Variants in ZNF687 observed in about 807,000 individuals in gnomAD.
ZNF687 encodes zinc finger protein 687.
A neutral mutation model predicts 71.8 loss-of-function variants in ZNF687; 13 were observed. That is an observed-to-expected ratio of 0.18 (90% CI 0.12 to 0.29). The LOEUF is 0.29. ZNF687 is among the 10% of genes least tolerant of loss of function. ZNF687 has a pLI of 1.00. For missense variants in ZNF687, 1,412 were observed against 1,625.6 expected (o/e 0.87, Z 2.26); for synonymous variants, 673 against 641.6 (o/e 1.05, Z -0.74).
chr1:151,289,224 T>C lies in ZNF687; in HGVS notation c.2424T>C (p.His808=), dbSNP rs111833417. The C allele has an allele frequency of 1.1e-3, 1,781 of 1,614,106 alleles. 1 individual carries two copies. The highest frequency in any genetic ancestry group is 1.5e-3 in the Middle Eastern group (9 of 6,062). Residue 808 remains histidine, a synonymous_variant, in exon 4 of 9, where the codon CAT becomes CAC. Transcript: ENST00000336715. ...CCTTCAAGTCTGGGCCAAGTGCCCA[T>C]GCCCACCTCTACTCCCAGCATCCCA... is the stretch of plus-strand genomic sequence containing the variant. ...PMAFKSGPSA[H]AHLYSQHPSF... is the part of the protein sequence containing the mutation.
chr1:151,287,629 C>T lies in ZNF687; in HGVS notation c.1338C>T (p.Pro446=), dbSNP rs1475860616. ...MIAKNVLGLV[P]QALPKADGRA... is the part of the protein sequence containing the mutation. ...CTAAGAACGTGCTAGGCCTGGTGCC[C>T]CAAGCCCTGCCTAAGGCTGACGGGC... The change falls in exon 2 of 9, where the codon CCC becomes CCT. Residue 446 remains proline (P), a synonymous_variant. Transcript: ENST00000336715. This position sits in a 1 kb window ranked among gnomAD's most constrained non-coding sequence, Gnocchi z 5.0. 6.2e-7 allele frequency: 1 copy of T among 1,613,166 alleles called. No homozygotes were observed.
intron 1 of ZNF687, chr1:151,283,082 G>GC: frequency 2.0e-6 from 2 of 985,274 alleles, no homozygotes; most frequent in South Asian, 4.7e-5. Flanking sequence ...CCTGGCTGAG[G>GC]CCCGGCCTTC....
rs587759102 is a variant in ZNF687 at position 151,287,651 on chromosome 1, G to A, written c.1360G>A (p.Gly454Arg). The A allele has an allele frequency of 6.2e-6, 10 of 1,613,304 alleles. No homozygotes were observed. The Admixed American group carries it at 1.2e-4, about 19-fold the overall frequency. ...LVPQALPKAD[G>R]RAGLGTGGQK... The stretch of plus-strand genomic sequence containing the variant: ...GCCCCAAGCCCTGCCTAAGGCTGAC[G>A]GGCGGGCAGGGCTGGGGACTGGGGG... Residue 454 changes from glycine (G) to arginine (R), a missense_variant, in exon 2 of 9, where the codon GGG becomes AGG. Coordinates refer to ENST00000336715, the MANE Select transcript of ZNF687 (RefSeq NM_020832.3). This position sits in a 1 kb window ranked among gnomAD's most constrained non-coding sequence, Gnocchi z 5.0.
rs913651310 is a variant in ZNF687 at position 151,288,793 on chromosome 1, C to G, written c.2294+87C>G. ...ATGGCCTTTCAAGATCCCCTATCTT[C>G]CCTGCTATATCCCTCAGCCCTGTTG... On this transcript the variant is annotated intron_variant, in intron 3 of 8. Transcript: ENST00000336715. The G allele has an allele frequency of 3.3e-5, 47 of 1,409,298 alleles. No homozygotes were observed. The East Asian group carries it at 1.0e-3, about 31-fold the overall frequency. The allele number at this position is 1,409,298 out of a possible 1,614,324, so 87.3% of individuals were successfully genotyped here. A position where few individuals can be genotyped will look rare whatever the true frequency, so the allele number is the denominator to read the frequency against.
rs1277087094 is a variant in ZNF687, at chr1:151,289,676, A to G, written c.2635-2A>G. ...AGCAACCTCCCTTGTCTCCTCTCACAGAACACCCATCAGTCTGGGCGCTTG... is the reference window on the plus strand; with the variant it reads ...AGCAACCTCCCTTGTCTCCTCTCACGGAACACCCATCAGTCTGGGCGCTTG... On this transcript the variant is annotated splice_acceptor_variant, in intron 5 of 8. Coordinates refer to ENST00000336715, the MANE Select transcript of ZNF687 (RefSeq NM_020832.3). LOFTEE classifies it high-confidence loss of function. 1 of 1,576,442 alleles carries G rather than the reference A, an allele frequency of 6.3e-7. No individual in the cohort carries two copies. Among genetic ancestry groups the G allele is most frequent in the Non-Finnish European group, 8.6e-7 (1 of 1,158,912 alleles).
rs747646140 is a variant in ZNF687 at position 151,290,226 on chromosome 1, C to T, written c.3069C>T (p.Tyr1023=). The T allele has an allele frequency of 1.9e-6, 3 of 1,613,958 alleles. No homozygotes were observed. The highest frequency in any genetic ancestry group is 1.1e-5 in the South Asian group (1 of 91,086). Residue 1023 remains tyrosine (Y), a synonymous_variant, in exon 7 of 9, where the codon TAC becomes TAT. Coordinates refer to ENST00000336715, the MANE Select transcript of ZNF687 (RefSeq NM_020832.3). The part of the protein sequence containing the change: ...RVNHEGIKRV[Y]PCRYCTEGKR... ...ATCACGAGGGCATCAAGCGAGTTTACCCCTGCAGGTAAGTCTTGCTCCCCG... is the reference window on the plus strand; with the variant it reads ...ATCACGAGGGCATCAAGCGAGTTTATCCCTGCAGGTAAGTCTTGCTCCCCG...
Position 151,287,734 on chromosome 1 carries a change from GCC to G in ZNF687, c.1444_1445del (p.Pro482LysfsTer33). ...MVQPSKTATG[P>X]STGGGTVISR... The stretch of plus-strand genomic sequence containing the variant: ...TGCAACCTTCAAAGACAGCTACTGG[GCC>G]AAGTACAGGGGGCGGCACAGTGATA... On this transcript the variant is annotated frameshift_variant, in exon 2 of 9. Coordinates refer to ENST00000336715, the MANE Select transcript of ZNF687 (RefSeq NM_020832.3). LOFTEE classifies it high-confidence loss of function. The surrounding 1 kb of genome is among the most constrained non-coding windows in gnomAD (Gnocchi z 5.0). 6.2e-7 allele frequency: 1 copy of G among 1,613,944 alleles called. No homozygotes were observed. Among genetic ancestry groups the G allele is most frequent in the Non-Finnish European group, 8.5e-7 (1 of 1,179,958 alleles).
At chr1:151,282,280 G>C, upstream of ZNF687, 1 of 1,005,474 alleles carries the variant, frequency 9.9e-7, no homozygotes, top group Non-Finnish European at 1.2e-6. Context: ...GGAGTGGGGA[G>C]GCCGAACCGG....
chr1:151,291,122 C>T lies in ZNF687; in HGVS notation c.3627C>T (p.Cys1209=), dbSNP rs150478719. 1.2e-5 allele frequency: 20 copies of T among 1,613,224 alleles called. No homozygotes were observed. The highest frequency in any genetic ancestry group is 1.6e-4 in the Middle Eastern group (1 of 6,084). Residue 1209 remains cysteine (C), a synonymous_variant, in exon 9 of 9, where the codon TGC becomes TGT. Transcript: ENST00000336715. Reference sequence around the variant, plus strand: ...CCTGTAAGGTCTGTGGCAAGAGCTGCGACAGCCCTCTAAACCTCAAGACCC... The same window carrying T: ...CCTGTAAGGTCTGTGGCAAGAGCTGTGACAGCCCTCTAAACCTCAAGACCC... ...PLTCKVCGKS[C]DSPLNLKTHF... is the part of the protein sequence containing the mutation.
chr1:151,289,894 A>G lies in ZNF687; in HGVS notation c.2851A>G (p.Lys951Glu), dbSNP rs776777930. Residue 951 changes from lysine (K) to glutamate (E), a missense_variant, in exon 6 of 9, where the codon AAA (lysine) becomes GAA (glutamate). Physicochemically the swap from Lys to Glu is moderately conservative, Grantham distance 56. Around this residue, in one of 8 missense-constraint regions of ZNF687, gnomAD observed 135 missense variants for 104.1 expected, o/e 1.30. Transcript: ENST00000336715. The part of the protein sequence containing the change: ...AKRPRRELGS[K>E]GLKGGGGGPG... ...ACGGCCTCGGCGGGAACTAGGGAGC[A>G]AAGGCCTCAAGGGTGGGGGTGGGGG... 2 of 1,560,736 alleles carry G rather than the reference A, an allele frequency of 1.3e-6. No homozygotes were observed. The highest frequency in any genetic ancestry group is 2.7e-5 in the African/African-American group (2 of 73,478).
Position 151,291,072 on chromosome 1 carries a change from C to A in ZNF687, c.3577C>A (p.Leu1193Met). ...TGACCCCGATGGTGGAGACTCACCC[C>A]TGCCTGCTTCTGGAGGCCCACTGAC... ...RSDPDGGDSP[L>M]PASGGPLTCK... The change falls in exon 9 of 9, where the codon CTG (leucine) becomes ATG (methionine). Residue 1193 changes from leucine (L) to methionine (M), a missense_variant. Transcript: ENST00000336715. 2 of 1,613,774 alleles carry A rather than the reference C, an allele frequency of 1.2e-6. No individual in the cohort carries two copies. Among genetic ancestry groups the A allele is most frequent in the Non-Finnish European group, 1.7e-6 (2 of 1,180,026 alleles).
chr1:151,287,447 G>A lies in ZNF687; in HGVS notation c.1156G>A (p.Val386Met). Reference sequence around the variant, plus strand: ...ACCTACTTCTGAGGGTCCAAAGGTGGTGAGCGTACAGTTGGGTGATGGTAC... The same window carrying A: ...ACCTACTTCTGAGGGTCCAAAGGTGATGAGCGTACAGTTGGGTGATGGTAC... ...ATPTSEGPKV[V>M]SVQLGDGTRL... Residue 386 changes from valine (V) to methionine (M), a missense_variant, in exon 2 of 9, where the codon GTG becomes ATG. Val to Met is a conservative substitution (Grantham distance 21). Coordinates refer to ENST00000336715, the MANE Select transcript of ZNF687 (RefSeq NM_020832.3). This position sits in a 1 kb window ranked among gnomAD's most constrained non-coding sequence, Gnocchi z 5.0. 6.2e-7 allele frequency: 1 copy of A among 1,614,212 alleles called. No homozygotes were observed. The highest frequency in any genetic ancestry group is 8.5e-7 in the Non-Finnish European group (1 of 1,180,042).
chr1:151,290,699 T>G lies in ZNF687; in HGVS notation c.3220-16T>G. ...AGGGGTGGTGGTAAGGCCCAGTTTC[T>G]TCCACTTTTCTTCAGGGGCCAGGTC... On this transcript the variant is annotated splice_polypyrimidine_tract_variant and intron_variant, in intron 8 of 8. Transcript: ENST00000336715. 6.3e-7 allele frequency: 1 copy of G among 1,588,896 alleles called. No individual in the cohort carries two copies. The highest frequency in any genetic ancestry group is 1.1e-5 in the South Asian group (1 of 87,886).
Position 151,289,427 on chromosome 1 carries a change from C to G in ZNF687, c.2521C>G (p.Leu841Val). The change falls in exon 5 of 9, where the codon CTC becomes GTC. Residue 841 changes from leucine to valine, a missense_variant. By Grantham distance (32) the Leu-to-Val change is conservative. Transcript: ENST00000336715. ...MCDTVFTHKP[L>V]LSSHFDQHLL... ...CGACACAGTCTTCACTCACAAACCCCTCCTCTCCTCACACTTCGACCAGCA... is the reference window on the plus strand; with the variant it reads ...CGACACAGTCTTCACTCACAAACCCGTCCTCTCCTCACACTTCGACCAGCA... The G allele has an allele frequency of 6.2e-7, 1 of 1,614,194 alleles. No individual in the cohort carries two copies. Among genetic ancestry groups the G allele is most frequent in the South Asian group, 1.1e-5 (1 of 91,090 alleles).
chr1:151,291,352 T>C lies in ZNF687; in HGVS notation c.*143T>C. On this transcript the variant is annotated 3_prime_UTR_variant, in exon 9 of 9. Coordinates refer to ENST00000336715, the MANE Select transcript of ZNF687 (RefSeq NM_020832.3). ...CTCCAACCTGAAGAAGAAGAGCATTTGAGGATTATTCTAGTTATTTGCAAC... is the reference window on the plus strand; with the variant it reads ...CTCCAACCTGAAGAAGAAGAGCATTCGAGGATTATTCTAGTTATTTGCAAC... 8.4e-7 allele frequency: 1 copy of C among 1,190,228 alleles called. No homozygotes were observed. The highest frequency in any genetic ancestry group is 1.1e-6 in the Non-Finnish European group (1 of 876,188). 73.7% of individuals were successfully genotyped at this position (1,190,228 alleles called of 1,614,324 possible). A position where few individuals can be genotyped will look rare whatever the true frequency, so the allele number is the denominator to read the frequency against.
At position 151,287,129 on chromosome 1, in the gene ZNF687, G is replaced by A. The variant is rs149852671; in HGVS notation, c.838G>A (p.Val280Ile). ...QSPLASPKVP[V>I]CQPLKEEDDD... ...CCCTCTTGCCTCCCCCAAAGTGCCC[G>A]TCTGTCAGCCCTTGAAGGAAGAAGA... is the stretch of plus-strand genomic sequence containing the variant. The change falls in exon 2 of 9, where the codon GTC becomes ATC. Residue 280 changes from valine to isoleucine, a missense_variant. Val to Ile is a conservative substitution (Grantham distance 29). Coordinates refer to ENST00000336715, the MANE Select transcript of ZNF687 (RefSeq NM_020832.3). This position sits in a 1 kb window ranked among gnomAD's most constrained non-coding sequence, Gnocchi z 5.0. 69 of 1,614,144 alleles carry A rather than the reference G, an allele frequency of 4.3e-5. No homozygotes were observed. The African/African-American group carries it at 6.8e-4, about 16-fold the overall frequency.
chr1:151,291,030 G>C lies in ZNF687; in HGVS notation c.3535G>C (p.Ala1179Pro). The C allele has an allele frequency of 6.2e-7, 1 of 1,613,882 alleles. No individual in the cohort carries two copies. The highest frequency in any genetic ancestry group is 1.1e-5 in the South Asian group (1 of 91,082). The part of the protein sequence containing the change: ...ALGLGDGEEE[A>P]PPSRSDPDGG... ...GGGGCTGGGGGATGGGGAGGAAGAG[G>C]CCCCTCCATCAAGGTCTGACCCCGA... The change falls in exon 9 of 9, where the codon GCC becomes CCC. Residue 1179 changes from alanine (A) to proline (P), a missense_variant. Transcript: ENST00000336715.
rs745983149 is a variant in ZNF687, at chr1:151,290,791, C to T, written c.3296C>T (p.Ser1099Phe). 2 of 1,613,764 alleles carry T rather than the reference C, an allele frequency of 1.2e-6. No homozygotes were observed. The highest frequency in any genetic ancestry group is 8.5e-7 in the Non-Finnish European group (1 of 1,179,964). ...GACAGCACGACACCGCCAGCCAAGT[C>T]CCCCAGGGGCGGACCTGGATCTGGA... The part of the protein sequence containing the change: ...EPDSTTPPAK[S>F]PRGGPGSGGH... Residue 1099 changes from serine to phenylalanine, a missense_variant, in exon 9 of 9, where the codon TCC becomes TTC. By Grantham distance (155) the Ser-to-Phe change is radical (BLOSUM62 -2). This residue lies in a region of ZNF687 where 284 missense variants were observed against 359.2 expected (regional missense o/e 0.79). Transcript: ENST00000336715.
chr1:151,283,277 C>T (rs1445491658), intron 1 of ZNF687: 3 of 985,350 alleles, frequency 3.0e-6, no homozygotes, highest in Non-Finnish European at 3.6e-6. Context: ...GCCGCCAGCC[C>T]CTCGCCCTCC....
Sources: gnomAD v4.1 joint callset for allele counts on GRCh38, gnomAD v4.1.1 for gene constraint, gnomAD v4.1.1 regional missense constraint, Gnocchi (gnomAD v3.1) non-coding constraint, MANE v1.5 for transcripts, NCBI Gene and HGNC (gene_info 2026-07-23, HGNC 2026-07-21) for gene names.